Variants in SPATS1 observed in about 807,000 individuals in gnomAD.
SPATS1 encodes the protein spermatogenesis associated serine rich 1, also known as spermatogenesis-associated serine-rich protein 1.
SPATS1 carries 23 observed loss-of-function variants against 33.6 expected under a neutral mutation model. That is an observed-to-expected ratio of 0.68 (90% CI 0.49 to 0.97). The LOEUF is 0.97. Ranked by LOEUF, SPATS1 falls within the 50% of genes least tolerant of loss-of-function variation. SPATS1 has a pLI of 0.00. For missense variants in SPATS1, 327 were observed against 361.0 expected (o/e 0.91, Z 0.76); for synonymous variants, 131 against 125.6 (o/e 1.04, Z -0.29).
rs139284444 is a variant in SPATS1 at position 44,379,946 on chromosome 6, G to A, written c.*2883G>A. On this transcript the variant is annotated 3_prime_UTR_variant, in exon 9 of 9. Coordinates refer to ENST00000674044, the MANE Select transcript of SPATS1 (RefSeq NM_001372081.1). ...TCTCGATGCCCAGGCCTTATTCCACGGCACCTCAATAGCTGTCAGGTAGAG... is the reference window on the plus strand; with the variant it reads ...TCTCGATGCCCAGGCCTTATTCCACAGCACCTCAATAGCTGTCAGGTAGAG... 4.1e-3 allele frequency among the ~76,000 whole-genome samples: 626 copies of A among 152,106 alleles called. 20 individuals are homozygous for A. The highest frequency in any genetic ancestry group is 0.038 in the Admixed American group (584 of 15,268).
intron 5 of SPATS1, among the ~76,000 whole-genome samples, chr6:44,364,402 G>A (rs1368034752): frequency 1.3e-5 from 2 of 152,032 alleles, no homozygotes; most frequent in Admixed American, 6.6e-5. Flanking sequence ...CTTTTTTCTT[G>A]CAATTTGTAT....
At chr6:44,351,309 A>G (rs1788229124) in intron 2 of SPATS1, among the ~76,000 whole-genome samples, 1 of 152,036 alleles carries the variant, frequency 6.6e-6, no homozygotes, top group Admixed American at 6.6e-5. Context: ...CGAATACTAC[A>G]CTGTTTCATA....
rs1249848712 is a variant in SPATS1, at chr6:44,354,050, A to AC, written c.287+1177_287+1178insC. ...GAGACTTCGCCTCAAAAAAAAAAAA[A>AC]AAACAAAAAAAAGTCACATGGCTGG... On this transcript the variant is annotated intron_variant, in intron 3 of 8. Transcript: ENST00000674044. Among the ~76,000 whole-genome samples, 12 of 146,278 alleles carry AC rather than the reference A, an allele frequency of 8.2e-5. No homozygotes were observed. The East Asian group carries it at 2.1e-3, about 25-fold the overall frequency.
rs1353529070 is a variant in SPATS1 at position 44,343,400 on chromosome 6, A to C, written c.139+166A>C. On this transcript the variant is annotated intron_variant, in intron 2 of 8. Transcript: ENST00000674044. The stretch of plus-strand genomic sequence containing the variant: ...TAGTAGCTTATGTTTGTGCTAACCC[A>C]AGATTTGATTAGGCAGAGAGCACCA... 6 of 795,868 alleles carry C rather than the reference A, an allele frequency of 7.5e-6. No homozygotes were observed. The South Asian group carries it at 8.7e-5, about 12-fold the overall frequency. The allele number at this position is 795,868 out of a possible 1,614,324, so 49.3% of individuals were successfully genotyped here.
intron 4 of SPATS1, 183 bp from the exon 5 acceptor site, chr6:44,361,648 C>T (rs1583087292): frequency 2.7e-6 from 2 of 748,738 alleles, no homozygotes; most frequent in Admixed American, 1.3e-4. Flanking sequence ...CCTGACTTCC[C>T]TTCCTTTTGT....
intron 7 of SPATS1, among the ~76,000 whole-genome samples, chr6:44,372,726 C>T (rs1328936944): frequency 6.6e-6 from 1 of 152,222 alleles, no homozygotes; most frequent in Non-Finnish European, 1.5e-5. Context: ...TCCCAAAGTG[C>T]TGGGATTACA....
Position 44,368,417 on chromosome 6 carries a change from G to C in SPATS1, c.613G>C (p.Gly205Arg), listed in dbSNP as rs1336378438. 4 of 1,613,408 alleles carry C rather than the reference G, an allele frequency of 2.5e-6. No homozygotes were observed. The African/African-American group carries it at 4.0e-5, about 16-fold the overall frequency. Reference sequence around the variant, plus strand: ...GAATGGAATCCCAAAGTTAACTCCAGGCGACAATCCATATATGTACCCAGA... The same window carrying C: ...GAATGGAATCCCAAAGTTAACTCCACGCGACAATCCATATATGTACCCAGA... Reference protein sequence around the residue: ...PRNGIPKLTPGDNPYMYPEQS... With the variant: ...PRNGIPKLTPRDNPYMYPEQS... The change falls in exon 6 of 9, where the codon GGC becomes CGC. Residue 205 changes from glycine to arginine, a missense_variant. Coordinates refer to ENST00000674044, the MANE Select transcript of SPATS1 (RefSeq NM_001372081.1).
intron 2 of SPATS1, among the ~76,000 whole-genome samples, chr6:44,346,135 C>CA (rs1014390798): frequency 1.3e-5 from 2 of 151,570 alleles, no homozygotes; most frequent in Non-Finnish European, 2.9e-5. Context: ...ACAACAACAA[C>CA]AAAAAAATAG....
intron 7 of SPATS1, among the ~76,000 whole-genome samples, chr6:44,370,345 G>A (rs1239192330): frequency 6.6e-6 from 1 of 152,164 alleles, no homozygotes; most frequent in East Asian, 1.9e-4. Flanking sequence ...CAGATGCCAT[G>A]TGTTGTGCTA....
intron 3 of SPATS1, among the ~76,000 whole-genome samples, chr6:44,355,440 G>A (rs1012619180): frequency 1.3e-5 from 2 of 152,142 alleles, no homozygotes; most frequent in Admixed American, 6.5e-5. Flanking sequence ...TTTCCACTGA[G>A]CAATATGTGG....
chr6:44,365,746 G>T (rs527829905), intron 5 of SPATS1, among the ~76,000 whole-genome samples: 1 of 152,164 alleles, frequency 6.6e-6, no homozygotes, highest in African/African-American at 2.4e-5. Flanking sequence ...TGAACGGTTC[G>T]CTCCCTTATA....
chr6:44,376,218 CAACT>C, intron 7 of SPATS1, 136 bp from the exon 8 acceptor site: 1 of 593,830 alleles, frequency 1.7e-6, no homozygotes, highest in Non-Finnish European at 3.0e-6. Flanking sequence ...AAACGGTGAA[CAACT>C]AACATATTTT....
Position 44,377,199 on chromosome 6 carries a change from C to A in SPATS1, c.*136C>A. The stretch of plus-strand genomic sequence containing the variant: ...AGTGTTGTGCTTTGCTTTTTTAAAA[C>A]TTTATATTTTGAAAACTTTCACATT... On this transcript the variant is annotated 3_prime_UTR_variant, in exon 9 of 9. Coordinates refer to ENST00000674044, the MANE Select transcript of SPATS1 (RefSeq NM_001372081.1). 1 of 1,113,572 alleles carries A rather than the reference C, an allele frequency of 9.0e-7. No individual in the cohort carries two copies. Among genetic ancestry groups the A allele is most frequent in the Non-Finnish European group, 1.3e-6 (1 of 765,736 alleles). The allele number at this position is 1,113,572 out of a possible 1,614,324, so 69.0% of individuals were successfully genotyped here.
At chr6:44,352,122 A>C (rs959431919) in intron 2 of SPATS1, among the ~76,000 whole-genome samples, 2 of 151,764 alleles carry the variant, frequency 1.3e-5, no homozygotes, top group East Asian at 1.9e-4. Context: ...ATATGGGCCT[A>C]GATGTTTTCT....
rs572366786 is a variant in SPATS1 at position 44,360,359 on chromosome 6, C to A, written c.288-87C>A. The A allele has an allele frequency of 1.9e-6, 3 of 1,548,878 alleles. 1 individual carries two copies. The highest frequency in any genetic ancestry group is 1.4e-5 in the African/African-American group (1 of 73,578). ...GAGGAGTAGTCCCAGTTCTCATAAG[C>A]GAGGGCAATTCTAGGGTAAACTATG... On this transcript the variant is annotated intron_variant, in intron 3 of 8. Coordinates refer to ENST00000674044, the MANE Select transcript of SPATS1 (RefSeq NM_001372081.1).
At chr6:44,353,901 G>A (rs1788393962) in intron 3 of SPATS1, among the ~76,000 whole-genome samples, 2 of 152,054 alleles carry the variant, frequency 1.3e-5, no homozygotes, top group South Asian at 4.1e-4. Context: ...GCCAGGTGTG[G>A]TGGTGGGTGC....
intron 5 of SPATS1, among the ~76,000 whole-genome samples, chr6:44,363,150 T>TTA (rs397947852): frequency 6.8e-6 from 1 of 148,136 alleles, no homozygotes; most frequent in Non-Finnish European, 1.5e-5. Flanking sequence ...TTTTTTTTTT[T>TTA]AAGACAAGGT....
intron 2 of SPATS1, among the ~76,000 whole-genome samples, chr6:44,349,502 G>A (rs1391952010): frequency 6.6e-6 from 1 of 152,038 alleles, no homozygotes; most frequent in Non-Finnish European, 1.5e-5. Flanking sequence ...ATGTGCATGA[G>A]TGATATGTGA....
At chr6:44,356,715 G>A (rs1788610477) in intron 3 of SPATS1, among the ~76,000 whole-genome samples, 1 of 152,176 alleles carries the variant, frequency 6.6e-6, no homozygotes. Context: ...CCACAACATA[G>A]CAGCTGTCTC....
Sources: gnomAD v4.1 joint callset for allele counts (sites outside exome capture counted in the v4.1 genomes callset) on GRCh38, gnomAD v4.1.1 for gene constraint, MANE v1.5 for transcripts, NCBI Gene and HGNC (gene_info 2026-07-23, HGNC 2026-07-21) for gene names.